The following SEPTIN10 variants were observed in gnomAD, a reference collection of about 807,000 sequenced individuals.
SEPTIN10 encodes the protein septin 10.
SEPTIN10 carries 66 observed loss-of-function variants against 54.8 expected under a neutral mutation model. The observed-to-expected ratio is 1.21, with a 90% CI of 0.99 to 1.48. The LOEUF is 1.48. Ranked by LOEUF, SEPTIN10 falls within the 40% of genes most tolerant of loss-of-function variation. The pLI, the probability that SEPTIN10 is intolerant of heterozygous loss-of-function variation, is 0.00. For synonymous variants in SEPTIN10, 161 were observed against 181.0 expected (o/e 0.89, Z 0.89); for missense variants, 620 against 545.6 (o/e 1.14, Z -1.36).
chr2:109,597,273 T>C (rs1382481272), intron 1 of SEPTIN10, among the ~76,000 whole-genome samples: 1 of 152,192 alleles, frequency 6.6e-6, no homozygotes, highest in Non-Finnish European at 1.5e-5. Context: ...GCAGGAAAAG[T>C]AATAATAGGA....
intron 2 of SEPTIN10, among the ~76,000 whole-genome samples, chr2:109,590,525 G>A (rs1253876352): frequency 1.3e-5 from 2 of 151,954 alleles, no homozygotes; most frequent in Non-Finnish European, 2.9e-5. Flanking sequence ...TCTGCCTCCT[G>A]GGTTCAAATG....
intron 8 of SEPTIN10, among the ~76,000 whole-genome samples, chr2:109,553,432 T>C (rs915123960): frequency 1.3e-5 from 2 of 150,564 alleles, no homozygotes; most frequent in Non-Finnish European, 2.9e-5. Context: ...TAATCCCAGC[T>C]ACATGGGAGG....
chr2:109,585,629 G>A, intron 3 of SEPTIN10, 92 bp downstream of exon 3: 2 of 892,454 alleles, frequency 2.2e-6, no homozygotes, highest in Non-Finnish European at 3.6e-6. Context: ...ATTTCAAATT[G>A]ATAACATGAG....
chr2:109,582,423 G>A (rs1691407399), intron 4 of SEPTIN10, among the ~76,000 whole-genome samples: 1 of 152,104 alleles, frequency 6.6e-6, no homozygotes, highest in African/African-American at 2.4e-5. Context: ...AGGCTCAAGT[G>A]ATAGTCCCAC....
chr2:109,560,213 C>T lies in SEPTIN10; in HGVS notation c.1028+4153G>A, dbSNP rs562381913. 2.6e-5 allele frequency among the ~76,000 whole-genome samples: 4 copies of T among 152,330 alleles called. 1 individual carries two copies. The highest frequency in any genetic ancestry group is 9.6e-5 in the African/African-American group (4 of 41,580). Reference sequence around the variant, plus strand: ...GGGATTACAGGCGTGAGCCACCGGGCCTGGCCCCAACCACTGCCTTTTTTA... The same window carrying T: ...GGGATTACAGGCGTGAGCCACCGGGTCTGGCCCCAACCACTGCCTTTTTTA... On this transcript the variant is annotated intron_variant, in intron 8 of 10. Coordinates refer to ENST00000397712, the MANE Select transcript of SEPTIN10 (RefSeq NM_144710.5).
chr2:109,592,241 A>T (rs1474753583), intron 2 of SEPTIN10, among the ~76,000 whole-genome samples: 2 of 147,964 alleles, frequency 1.4e-5, no homozygotes, highest in African/African-American at 5.0e-5. Context: ...GAGGGAGGCA[A>T]ATCACTTGAG....
intron 10 of SEPTIN10, chr2:109,545,486 T>A (rs959613430): frequency 2.0e-6 from 3 of 1,536,044 alleles, no homozygotes; most frequent in African/African-American, 1.4e-5. Context: ...ACGTCCACCA[T>A]TGGTTTCACA....
intron 1 of SEPTIN10, among the ~76,000 whole-genome samples, chr2:109,607,047 C>T (rs1408078765): frequency 6.6e-6 from 1 of 152,158 alleles, no homozygotes; most frequent in African/African-American, 2.4e-5. Flanking sequence ...AATATTCTTC[C>T]TGTCTAAAAT....
chr2:109,609,715 T>C (rs972905869), intron 1 of SEPTIN10, among the ~76,000 whole-genome samples: 7 of 151,304 alleles, frequency 4.6e-5, no homozygotes, highest in Admixed American at 2.0e-4. Context: ...AAAATTATCC[T>C]CACTGAAGAA....
chr2:109,593,282 T>G (rs1418558888), intron 1 of SEPTIN10, among the ~76,000 whole-genome samples, 163 bp from the exon 2 acceptor site: 2 of 152,236 alleles, frequency 1.3e-5, no homozygotes, highest in Non-Finnish European at 2.9e-5. Flanking sequence ...AATTGTGGCT[T>G]TCTTGCTGGA....
In SEPTIN10 at chr2:109,574,565, C is replaced by A. The variant is rs28372574; in HGVS notation, c.600+16G>T. On this transcript the variant is annotated intron_variant, in intron 5 of 10. Coordinates refer to ENST00000397712, the MANE Select transcript of SEPTIN10 (RefSeq NM_144710.5). ...AATATTAAAGTATGGTAAGTTGATT[C>A]CTTTCCTCAACCCACCTTGCTGTCA... is the stretch of plus-strand genomic sequence containing the variant. 2.1e-6 allele frequency: 3 copies of A among 1,458,490 alleles called. No individual in the cohort carries two copies. In the African/African-American group the frequency reaches 4.3e-5, roughly 21 times the overall value. 90.3% of individuals were successfully genotyped at this position (1,458,490 alleles called of 1,614,324 possible). A position where few individuals can be genotyped will look rare whatever the true frequency, so the allele number is the denominator to read the frequency against.
intron 9 of SEPTIN10, among the ~76,000 whole-genome samples, chr2:109,550,673 G>T (rs562760828): frequency 3.9e-5 from 6 of 152,312 alleles, no homozygotes; most frequent in African/African-American, 1.4e-4. Context: ...TGAGCTAGCA[G>T]ATGACTTCCA....
intron 8 of SEPTIN10, among the ~76,000 whole-genome samples, chr2:109,557,755 T>G (rs777883740): frequency 6.6e-6 from 1 of 152,220 alleles, no homozygotes; most frequent in African/African-American, 2.4e-5. Context: ...ATGCAATCAT[T>G]GTTTCTTATC....
At chr2:109,602,502 C>T (rs1696820805) in intron 1 of SEPTIN10, among the ~76,000 whole-genome samples, 1 of 151,800 alleles carries the variant, frequency 6.6e-6, no homozygotes, top group South Asian at 2.1e-4. Flanking sequence ...ATGGTGAAAC[C>T]CCATCTCTAC....
chr2:109,597,854 C>T (rs1335841477), intron 1 of SEPTIN10, among the ~76,000 whole-genome samples: 1 of 152,180 alleles, frequency 6.6e-6, no homozygotes, highest in Non-Finnish European at 1.5e-5. Context: ...GACAGACACA[C>T]AATTCATCCT....
chr2:109,596,907 A>C (rs913271910), intron 1 of SEPTIN10, among the ~76,000 whole-genome samples: 1 of 152,214 alleles, frequency 6.6e-6, no homozygotes, highest in Middle Eastern at 3.2e-3. Flanking sequence ...AAACAAGTTT[A>C]ATACTGGAAA....
chr2:109,545,454 C>G (rs768496667), intron 10 of SEPTIN10: 1 of 1,536,160 alleles, frequency 6.5e-7, no homozygotes, highest in South Asian at 1.2e-5. Context: ...CTGTGGCCCT[C>G]TCTACCTTTC....
At chr2:109,582,926 G>A in intron 4 of SEPTIN10, among the ~76,000 whole-genome samples, 1 of 152,144 alleles carries the variant, frequency 6.6e-6, no homozygotes, top group East Asian at 1.9e-4. Context: ...AAGCAATGGG[G>A]AAAGGACTCT....
Position 109,613,931 on chromosome 2 carries a change from G to GGC in SEPTIN10, c.-106_-105dup, listed in dbSNP as rs1699885379. 8.2e-7 allele frequency: 1 copy of GGC among 1,221,506 alleles called. No individual in the cohort carries two copies. The highest frequency in any genetic ancestry group is 4.3e-5 in the Admixed American group (1 of 23,262). The allele number at this position is 1,221,506 out of a possible 1,614,324, so 75.7% of individuals were successfully genotyped here. ...GCCGGAGGGCAGAAGCAACGGGCGG[G>GGC]GCGCGAGGCTAGGCTGCCTCCGCGA... On this transcript the variant is annotated 5_prime_UTR_variant, in exon 1 of 11. Transcript: ENST00000397712.
Sources: allele counts gnomAD v4.1 joint callset (sites outside exome capture counted in the v4.1 genomes callset), GRCh38; gene constraint gnomAD v4.1.1; transcripts MANE v1.5; gene names NCBI Gene and HGNC (gene_info 2026-07-23, HGNC 2026-07-21).